FHIT: variants seen among roughly 807,000 people sequenced by gnomAD.
FHIT encodes fragile histidine triad diadenosine triphosphatase, also known as bis(5'-adenosyl)-triphosphatase.
A neutral mutation model predicts 17.9 loss-of-function variants in FHIT; 19 were observed. The observed-to-expected ratio is 1.06, with a 90% CI of 0.74 to 1.56. FHIT has a LOEUF of 1.56. FHIT is among the 40% of genes most tolerant of loss of function. The probability of loss-of-function intolerance (pLI) is 0.00; values close to 1 mark genes in which losing one functional copy is unlikely to be tolerated. For synonymous variants in FHIT, 81 were observed against 69.7 expected, an observed-to-expected ratio of 1.16 and a Z score of -0.81; for missense variants, 248 against 189.2, an observed-to-expected ratio of 1.31 and a Z score of -1.82.
intron 8 of FHIT, among the ~76,000 whole-genome samples, chr3:59,806,937 C>T (rs1290122855): frequency 6.6e-6 from 1 of 152,088 alleles, no homozygotes; most frequent in Non-Finnish European, 1.5e-5. Flanking sequence ...TATTTAGTCT[C>T]AGCTCAGACA....
chr3:60,837,388 T>C (rs1702575692), intron 3 of FHIT, among the ~76,000 whole-genome samples: 1 of 152,212 alleles, frequency 6.6e-6, no homozygotes, highest in Non-Finnish European at 1.5e-5. Context: ...CTTGCTAGAC[T>C]GTCAGTTTTA....
intron 4 of FHIT, among the ~76,000 whole-genome samples, chr3:60,639,036 T>A (rs1038286246): frequency 1.4e-5 from 2 of 143,716 alleles, no homozygotes; most frequent in African/African-American, 5.2e-5. Flanking sequence ...TTCAAAAGCA[T>A]CAGAGCACAA....
At chr3:59,923,312 T>C (rs1005454459) in intron 7 of FHIT, among the ~76,000 whole-genome samples, 5 of 147,032 alleles carry the variant, frequency 3.4e-5, no homozygotes, top group African/African-American at 1.3e-4. Flanking sequence ...CAATGTTCGG[T>C]GAGGACAGGG....
intron 3 of FHIT, among the ~76,000 whole-genome samples, chr3:60,862,851 CAAAA>C (rs35183529): frequency 1.9e-5 from 2 of 107,616 alleles, no homozygotes; most frequent in African/African-American, 3.2e-5. Flanking sequence ...AACTCCCTCT[CAAAA>C]AAAAAAAAAA....
intron 8 of FHIT, among the ~76,000 whole-genome samples, chr3:59,786,798 GT>G (rs1326633970): frequency 6.6e-6 from 1 of 152,268 alleles, no homozygotes; most frequent in Non-Finnish European, 1.5e-5. Context: ...GTAGTCATCT[GT>G]CTTGTGAGGT....
chr3:60,991,276 G>A (rs1248013201), intron 3 of FHIT, among the ~76,000 whole-genome samples: 2 of 152,224 alleles, frequency 1.3e-5, no homozygotes, highest in Admixed American at 1.3e-4. Flanking sequence ...AACAGATGAA[G>A]TTCAATGACC....
At chr3:60,190,172 T>G (rs1002107412) in intron 5 of FHIT, among the ~76,000 whole-genome samples, 14 of 152,038 alleles carry the variant, frequency 9.2e-5, no homozygotes, top group Non-Finnish European at 4.4e-5. Flanking sequence ...ATTTGGAAAG[T>G]TGAATTGTGA....
chr3:59,848,402 A>G (rs1168652853), intron 8 of FHIT, among the ~76,000 whole-genome samples: 1 of 152,156 alleles, frequency 6.6e-6, no homozygotes, highest in Non-Finnish European at 1.5e-5. Context: ...TTATATTTTA[A>G]TATACCTATG....
chr3:60,015,416 C>G (rs189298678), intron 5 of FHIT, among the ~76,000 whole-genome samples: 1 of 152,130 alleles, frequency 6.6e-6, no homozygotes, highest in Non-Finnish European at 1.5e-5. Flanking sequence ...AGAAGGGAGG[C>G]GTTCACCCAC....
chr3:61,027,905 T>C (rs73104291), intron 3 of FHIT, among the ~76,000 whole-genome samples: 2,850 of 152,314 alleles, frequency 0.019, 29 homozygotes, highest in Middle Eastern at 0.031. Flanking sequence ...TAAACACACA[T>C]GCAAGCATGC....
intron 8 of FHIT, among the ~76,000 whole-genome samples, chr3:59,832,869 C>T (rs1414481718): frequency 4.6e-5 from 7 of 152,158 alleles, no homozygotes; most frequent in Non-Finnish European, 8.8e-5. Context: ...AGGACAGAAT[C>T]AAGAAATGTT....
intron 3 of FHIT, among the ~76,000 whole-genome samples, chr3:60,948,718 C>G (rs1708743318): frequency 6.6e-6 from 1 of 152,148 alleles, no homozygotes; most frequent in South Asian, 2.1e-4. Flanking sequence ...AGTAATGAAA[C>G]AGCTATAACA....
chr3:59,904,015 G>T (rs1446075616), intron 8 of FHIT, among the ~76,000 whole-genome samples: 2 of 151,982 alleles, frequency 1.3e-5, no homozygotes, highest in Non-Finnish European at 2.9e-5. Context: ...CCTGAAGAAA[G>T]ATAATAAGAA....
intron 5 of FHIT, among the ~76,000 whole-genome samples, chr3:60,120,568 T>C (rs902806813): frequency 6.6e-6 from 1 of 152,144 alleles, no homozygotes; most frequent in African/African-American, 2.4e-5. Context: ...AGGACTGGAG[T>C]ATAAAAATTT....
chr3:60,560,802 GACACACACAC>G (rs71092614), intron 4 of FHIT, among the ~76,000 whole-genome samples: 399 of 128,954 alleles, frequency 3.1e-3, no homozygotes, highest in Middle Eastern at 4.2e-3. Flanking sequence ...GATGTAAGGA[GACACACACAC>G]ACACACACAC....
At chr3:60,829,694 A>G (rs1702251387) in intron 3 of FHIT, among the ~76,000 whole-genome samples, 1 of 152,178 alleles carries the variant, frequency 6.6e-6, no homozygotes, top group Admixed American at 6.5e-5. Context: ...TCTGATTGTC[A>G]GATGGATGAA....
chr3:59,764,349 G>A (rs567797177), intron 8 of FHIT, among the ~76,000 whole-genome samples: 12 of 152,296 alleles, frequency 7.9e-5, no homozygotes, highest in East Asian at 1.9e-4. Flanking sequence ...GCTGGCAGAT[G>A]AAAAATGACT....
intron 5 of FHIT, among the ~76,000 whole-genome samples, chr3:60,033,051 A>G (rs899977290): frequency 6.6e-6 from 1 of 152,238 alleles, no homozygotes; most frequent in Non-Finnish European, 1.5e-5. Flanking sequence ...GCATAACAAT[A>G]TTGGATTAAA....
chr3:60,405,683 C>T (rs921602812), intron 5 of FHIT, among the ~76,000 whole-genome samples: 2 of 152,150 alleles, frequency 1.3e-5, no homozygotes, highest in East Asian at 1.9e-4. Context: ...CAAGAAAAAT[C>T]CTGCATACCA....
Sources: gnomAD v4.1 joint callset for allele counts (sites outside exome capture counted in the v4.1 genomes callset) on GRCh38, gnomAD v4.1.1 for gene constraint, MANE v1.5 for transcripts, NCBI Gene and HGNC (gene_info 2026-07-23, HGNC 2026-07-21) for gene names.